PADI2: variants seen among roughly 807,000 people sequenced by gnomAD.
PADI2 encodes protein-arginine deiminase type-2.
Under a neutral mutation model 81.1 loss-of-function variants are expected in PADI2, and 70 were observed. The ratio of observed to expected loss-of-function variants is 0.86; its 90% CI spans 0.71 to 1.05. The LOEUF is 1.05. Among genes scored for constraint, PADI2 ranks in the 50% least tolerant of loss-of-function variants. The pLI is 0.00. For synonymous variants in PADI2, 338 were observed against 358.0 expected (o/e 0.94, Z 0.63); for missense variants, 853 against 889.9 (o/e 0.96, Z 0.53).
At chr1:17,082,420 G>A in intron 10 of PADI2, 125 bp downstream of exon 10, 1 of 679,854 alleles carries the variant, frequency 1.5e-6, no homozygotes, top group Non-Finnish European at 2.7e-6. Context: ...TCATTTTGCA[G>A]AGGAGAAACA....
chr1:17,118,307 C>T (rs1931825532), intron 1 of PADI2, among the ~76,000 whole-genome samples: 1 of 152,118 alleles, frequency 6.6e-6, no homozygotes, highest in Admixed American at 6.5e-5. Flanking sequence ...GCTCCCTGCC[C>T]CCAGCACTGA....
In PADI2 at chr1:17,070,072, G is replaced by A; in HGVS notation, c.1764+16C>T. The stretch of plus-strand genomic sequence containing the variant: ...GTACTGGCATGGGGCGAGGGTTGGG[G>A]TCTGCAGGGCCTCACCATGTTTGGG... On this transcript the variant is annotated intron_variant, in intron 15 of 15. Coordinates refer to ENST00000375486, the MANE Select transcript of PADI2 (RefSeq NM_007365.3). 1.9e-6 allele frequency: 3 copies of A among 1,612,682 alleles called. No individual in the cohort carries two copies. The highest frequency in any genetic ancestry group is 1.1e-5 in the South Asian group (1 of 90,988).
At chr1:17,101,178 C>G (rs1931129060) in intron 3 of PADI2, among the ~76,000 whole-genome samples, 1 of 152,166 alleles carries the variant, frequency 6.6e-6, no homozygotes, top group African/African-American at 2.4e-5. Context: ...TTTTGGGACT[C>G]AGCCATGCCG....
At chr1:17,090,272 TCCGGGACAC>T in intron 6 of PADI2, among the ~76,000 whole-genome samples, 1 of 152,366 alleles carries the variant, frequency 6.6e-6, no homozygotes, top group Admixed American at 6.5e-5. Context: ...CCCACCACGA[TCCGGGACAC>T]CCGGGACAGT....
chr1:17,085,891 G>A (rs549835590), intron 7 of PADI2, among the ~76,000 whole-genome samples: 2 of 152,360 alleles, frequency 1.3e-5, no homozygotes, highest in South Asian at 2.1e-4. Flanking sequence ...TGAGAGGCTA[G>A]GGTCTGGGGA....
chr1:17,094,052 T>A, intron 4 of PADI2, among the ~76,000 whole-genome samples: 1 of 152,146 alleles, frequency 6.6e-6, no homozygotes, highest in East Asian at 1.9e-4. Context: ...GACGCCTGGA[T>A]GGATGCCACC....
intron 11 of PADI2, among the ~76,000 whole-genome samples, chr1:17,077,979 C>A (rs1317983104): frequency 3.3e-5 from 5 of 152,182 alleles, no homozygotes; most frequent in Non-Finnish European, 5.9e-5. Flanking sequence ...GGGGCAGGAC[C>A]ACGTCTGCTC....
intron 1 of PADI2, among the ~76,000 whole-genome samples, chr1:17,109,389 TAAAAAAAAA>T (rs566123530): frequency 1.6e-4 from 8 of 50,070 alleles, no homozygotes; most frequent in Non-Finnish European, 2.4e-4. Context: ...CTCTGTCTAT[TAAAAAAAAA>T]AAAAAAAAAA....
chr1:17,105,277 C>T (rs1470495575), intron 1 of PADI2, among the ~76,000 whole-genome samples: 3 of 152,124 alleles, frequency 2.0e-5, no homozygotes, highest in African/African-American at 7.2e-5. Flanking sequence ...GTGGTCCCAA[C>T]TACTTAGGAG....
intron 2 of PADI2, among the ~76,000 whole-genome samples, chr1:17,104,367 TGATA>T (rs1440830671): frequency 1.3e-5 from 2 of 151,880 alleles, no homozygotes; most frequent in Non-Finnish European, 2.9e-5. Context: ...GATAATATTT[TGATA>T]GATAGGGTTA....
rs1262046234 is a variant in PADI2, at chr1:17,119,312, C to G, written c.60G>C (p.Val20=). Reference sequence around the variant, plus strand: ...CATCGGTCCAGAGGTAGGTGCCCAGCACGTACACCGCCTCCACGCGGCTCC... The same window carrying G: ...CATCGGTCCAGAGGTAGGTGCCCAGGACGTACACCGCCTCCACGCGGCTCC... ...QYGSRVEAVY[V]LGTYLWTDVY... is the part of the protein sequence containing the mutation. Residue 20 remains valine, a synonymous_variant, in exon 1 of 16, where the codon GTG becomes GTC. Transcript: ENST00000375486. This position sits in a 1 kb window ranked among gnomAD's most constrained non-coding sequence, Gnocchi z 4.8. 1 of 1,561,370 alleles carries G rather than the reference C, an allele frequency of 6.4e-7. No homozygotes were observed. The highest frequency in any genetic ancestry group is 8.7e-7 in the Non-Finnish European group (1 of 1,154,156).
chr1:17,070,558 A>G (rs2078258421), intron 14 of PADI2, among the ~76,000 whole-genome samples: 1 of 152,256 alleles, frequency 6.6e-6, no homozygotes, highest in African/African-American at 2.4e-5. Flanking sequence ...TGATTTTGGT[A>G]ATAACAAAAG....
At chr1:17,071,939 C>T (rs2101570375) in intron 13 of PADI2, among the ~76,000 whole-genome samples, 1 of 152,326 alleles carries the variant, frequency 6.6e-6, no homozygotes, top group Non-Finnish European at 1.5e-5. Context: ...CGTTTTCCTC[C>T]TGTACCACAC....
chr1:17,086,361 A>G (rs572633355), intron 7 of PADI2, among the ~76,000 whole-genome samples, 160 bp downstream of exon 7: 2 of 152,278 alleles, frequency 1.3e-5, no homozygotes, highest in South Asian at 4.1e-4. Context: ...CCTGGCAGAC[A>G]CGTGCAGGCT....
rs1247003272 is a variant in PADI2 at position 17,086,613 on chromosome 1, G to A, written c.742C>T (p.Leu248=). 1 of 1,613,970 alleles carries A rather than the reference G, an allele frequency of 6.2e-7. No homozygotes were observed. Residue 248 remains leucine, a synonymous_variant, in exon 7 of 16, where the codon CTG becomes TTG. Coordinates refer to ENST00000375486, the MANE Select transcript of PADI2 (RefSeq NM_007365.3). The part of the protein sequence containing the change: ...VVKYTGGSAE[L]LFFVEGLCFP... ...CAGAGGCCTTCCACGAAGAACAGCA[G>A]CTCCGCGGAGCCACCCGTGTACTTG...
intron 3 of PADI2, among the ~76,000 whole-genome samples, chr1:17,098,492 T>C (rs1376296874): frequency 1.3e-5 from 2 of 152,224 alleles, no homozygotes; most frequent in Non-Finnish European, 2.9e-5. Context: ...TCAAATAAAA[T>C]AGTAACACAC....
chr1:17,112,861 T>C (rs1398098774), intron 1 of PADI2, among the ~76,000 whole-genome samples: 1 of 152,228 alleles, frequency 6.6e-6, no homozygotes, highest in Non-Finnish European at 1.5e-5. Context: ...GTCTGAACGA[T>C]GTATTCAAAG....
intron 1 of PADI2, among the ~76,000 whole-genome samples, chr1:17,110,117 A>T (rs1425132056): frequency 5.3e-5 from 8 of 152,122 alleles, no homozygotes; most frequent in Non-Finnish European, 1.2e-4. Flanking sequence ...GCCCCTGCAG[A>T]TCCTGTTGGC....
rs533981276 is a variant in PADI2, at chr1:17,119,199, G to C, written c.92+81C>G. ...GGACAACTCGGGCTGGACAAAGGCT[G>C]TCCACGTCCCCGAGTCTGAGCGCGT... On this transcript the variant is annotated intron_variant, in intron 1 of 15. Coordinates refer to ENST00000375486, the MANE Select transcript of PADI2 (RefSeq NM_007365.3). The surrounding 1 kb of genome is among the most constrained non-coding windows in gnomAD (Gnocchi z 4.8). 673 of 1,014,190 alleles carry C rather than the reference G, an allele frequency of 6.6e-4. 2 individuals are homozygous for C. The highest frequency in any genetic ancestry group is 8.0e-4 in the Non-Finnish European group (555 of 691,814). The allele number at this position is 1,014,190 out of a possible 1,614,324, so 62.8% of individuals were successfully genotyped here. A position where few individuals can be genotyped will look rare whatever the true frequency, so the allele number is the denominator to read the frequency against.
Sources: allele counts gnomAD v4.1 joint callset (sites outside exome capture counted in the v4.1 genomes callset), GRCh38; gene constraint gnomAD v4.1.1; non-coding constraint Gnocchi (gnomAD v3.1); transcripts MANE v1.5; gene names NCBI Gene and HGNC (gene_info 2026-07-23, HGNC 2026-07-21).